The following KCNT2 variants were observed in gnomAD, a reference collection of about 807,000 sequenced individuals.
KCNT2 encodes potassium channel subfamily T member 2.
KCNT2 carries 67 observed loss-of-function variants against 153.8 expected under a neutral mutation model. The ratio of observed to expected loss-of-function variants is 0.44; its 90% confidence interval spans 0.36 to 0.53. The LOEUF (loss-of-function observed/expected upper bound fraction) is 0.53, where lower values mean the gene tolerates loss of function less well. Ranked by LOEUF, KCNT2 falls within the 20% of genes least tolerant of loss-of-function variation. The pLI is 0.00. For synonymous variants in KCNT2, 500 were observed against 458.8 expected (o/e 1.09, Z -1.15); for missense variants, 975 against 1,354.8 (o/e 0.72, Z 4.40).
intron 14 of KCNT2, among the ~76,000 whole-genome samples, chr1:196,363,180 C>T (rs1433496747): frequency 6.6e-6 from 1 of 152,046 alleles, no homozygotes; most frequent in Admixed American, 6.6e-5. Context: ...GTATGGACTA[C>T]TGGATGTTTA....
chr1:196,257,423 A>G lies in KCNT2; in HGVS notation c.3211+771T>C, dbSNP rs201167143. Reference sequence around the variant, plus strand: ...ACCTTCTATTTGATTCTTAACTTGCATGATACTAACCCTATCTGAGTTCCT... The same window carrying G: ...ACCTTCTATTTGATTCTTAACTTGCGTGATACTAACCCTATCTGAGTTCCT... On this transcript the variant is annotated intron_variant, in intron 26 of 27. Transcript: ENST00000294725. The G allele has an allele frequency of 1.0e-5, 10 of 969,760 alleles. No individual in the cohort carries two copies. In the East Asian group the frequency reaches 5.7e-4, roughly 55 times the overall value. The allele number at this position is 969,760 out of a possible 1,614,324, so 60.1% of individuals were successfully genotyped here.
intron 8 of KCNT2, among the ~76,000 whole-genome samples, chr1:196,437,624 C>G (rs1198384071): frequency 2.0e-5 from 3 of 150,342 alleles, no homozygotes; most frequent in Non-Finnish European, 4.5e-5. Context: ...TAGTCATTTA[C>G]TTTCAAATGA....
At chr1:196,264,223 A>G (rs1015014329) in intron 25 of KCNT2, among the ~76,000 whole-genome samples, 3 of 152,136 alleles carry the variant, frequency 2.0e-5, no homozygotes, top group African/African-American at 7.2e-5. Context: ...TAACCACTTG[A>G]TGACTGCCTG....
chr1:196,258,042 A>C (rs1656668823), intron 26 of KCNT2, 152 bp downstream of exon 26: 1 of 1,427,334 alleles, frequency 7.0e-7, no homozygotes, highest in African/African-American at 1.4e-5. Context: ...TCATCATTTA[A>C]ATTTTCTGTA....
intron 25 of KCNT2, among the ~76,000 whole-genome samples, chr1:196,260,483 AC>A (rs1025559226): frequency 2.6e-5 from 4 of 151,914 alleles, no homozygotes; most frequent in African/African-American, 9.6e-5. Flanking sequence ...TATTTTGAAT[AC>A]CCCCAAGAGA....
At chr1:196,425,735 A>T in intron 11 of KCNT2, 117 bp downstream of exon 11, 1 of 991,248 alleles carries the variant, frequency 1.0e-6, no homozygotes, top group Non-Finnish European at 1.6e-6. Context: ...AAGAGTCTAT[A>T]CTCAAACATA....
At chr1:196,458,021 C>T (rs925843422) in intron 8 of KCNT2, among the ~76,000 whole-genome samples, 7 of 151,868 alleles carry the variant, frequency 4.6e-5, no homozygotes, top group Non-Finnish European at 8.8e-5. Context: ...AGACTAAAAA[C>T]ATCCAGAATG....
intron 3 of KCNT2, among the ~76,000 whole-genome samples, chr1:196,484,784 T>G (rs529331539): frequency 1.3e-5 from 2 of 152,156 alleles, no homozygotes; most frequent in East Asian, 3.9e-4. Flanking sequence ...GAATAGGAGA[T>G]CCTTTTTAAA....
chr1:196,227,424 A>G lies in KCNT2; in HGVS notation c.*800T>C, dbSNP rs987433268. ...GTTAATTTTTCAATCCTTGAATTAAATTTAAGTCAACAAATGTGTATTAAG... is the reference window on the plus strand; with the variant it reads ...GTTAATTTTTCAATCCTTGAATTAAGTTTAAGTCAACAAATGTGTATTAAG... On this transcript the variant is annotated 3_prime_UTR_variant, in exon 28 of 28. Transcript: ENST00000294725. 7 of 152,070 alleles carry G rather than the reference A, an allele frequency of 4.6e-5. No individual in the cohort carries two copies. 9.4% of individuals were successfully genotyped at this position (152,070 alleles called of 1,614,324 possible). A position where few individuals can be genotyped will look rare whatever the true frequency, so the allele number is the denominator to read the frequency against.
chr1:196,591,293 G>C (rs1303863688), intron 1 of KCNT2, among the ~76,000 whole-genome samples: 1 of 151,998 alleles, frequency 6.6e-6, no homozygotes, highest in Non-Finnish European at 1.5e-5. Flanking sequence ...TCCACAATAA[G>C]TGGAAGCTTC....
intron 5 of KCNT2, among the ~76,000 whole-genome samples, chr1:196,471,393 T>G (rs1224486445): frequency 6.6e-6 from 1 of 152,212 alleles, no homozygotes; most frequent in Non-Finnish European, 1.5e-5. Flanking sequence ...AAAAGAGTTA[T>G]AACTAGTCAT....
chr1:196,578,851 G>C (rs1661686357), intron 1 of KCNT2, among the ~76,000 whole-genome samples: 1 of 152,116 alleles, frequency 6.6e-6, no homozygotes, highest in Non-Finnish European at 1.5e-5. Flanking sequence ...GTATTAGAGT[G>C]AAATGAAATA....
intron 13 of KCNT2, among the ~76,000 whole-genome samples, chr1:196,395,880 G>A (rs1454222241): frequency 6.6e-6 from 1 of 151,548 alleles, no homozygotes; most frequent in Non-Finnish European, 1.5e-5. Flanking sequence ...TTCATATCTT[G>A]TGAATATTGG....
chr1:196,456,943 C>T (rs985952167), intron 8 of KCNT2, among the ~76,000 whole-genome samples: 3 of 151,892 alleles, frequency 2.0e-5, no homozygotes, highest in South Asian at 4.1e-4. Flanking sequence ...AAAGGTACAA[C>T]GGTTGGTCTT....
At chr1:196,418,992 T>A (rs1321879801) in intron 12 of KCNT2, among the ~76,000 whole-genome samples, 2 of 152,024 alleles carry the variant, frequency 1.3e-5, no homozygotes, top group African/African-American at 4.8e-5. Context: ...GCCTGCTGTT[T>A]AGGGTCCATT....
intron 23 of KCNT2, among the ~76,000 whole-genome samples, chr1:196,285,071 G>A (rs1429313529): frequency 6.6e-6 from 1 of 152,140 alleles, no homozygotes; most frequent in Admixed American, 6.5e-5. Context: ...AGACAAAAAC[G>A]ATGATATTAG....
At chr1:196,509,637 G>C (rs545250320) in intron 1 of KCNT2, among the ~76,000 whole-genome samples, 6 of 152,190 alleles carry the variant, frequency 3.9e-5, no homozygotes. Flanking sequence ...AGGAAGACCA[G>C]AGAAGACAGT....
chr1:196,257,354 T>C (rs1210824238), intron 26 of KCNT2: 2 of 979,510 alleles, frequency 2.0e-6, no homozygotes, highest in African/African-American at 3.5e-5. Context: ...TTGCCTCATG[T>C]TGAGATTTCA....
chr1:196,357,768 T>A lies in KCNT2; in HGVS notation c.1403+15372A>T, dbSNP rs77976423. On this transcript the variant is annotated intron_variant, in intron 14 of 27. Coordinates refer to ENST00000294725, the MANE Select transcript of KCNT2 (RefSeq NM_198503.5). ...GCTTGGTGTGGTAGTGGGAATTTTT[T>A]ATGCAAGTTTAACATAGAGAGTAAC... 1.3e-4 allele frequency among the ~76,000 whole-genome samples: 20 copies of A among 152,046 alleles called. No individual in the cohort carries two copies. In the East Asian group the frequency reaches 3.7e-3, roughly 28 times the overall value.
Sources: gnomAD v4.1 joint callset for allele counts (sites outside exome capture counted in the v4.1 genomes callset) on GRCh38, gnomAD v4.1.1 for gene constraint, MANE v1.5 for transcripts, NCBI Gene and HGNC (gene_info 2026-07-23, HGNC 2026-07-21) for gene names.